INVS: variants seen among roughly 807,000 people sequenced by gnomAD.
INVS encodes inversin.
In INVS, 86 loss-of-function variants were observed where a neutral mutation model predicts 108.8. That is an observed-to-expected ratio of 0.79 (90% CI 0.66 to 0.95). The LOEUF is 0.95. Ranked by LOEUF, INVS falls within the 40% of genes least tolerant of loss-of-function variation. The pLI, the probability that INVS is intolerant of heterozygous loss-of-function variation, is 0.00. For synonymous variants in INVS, 455 were observed against 473.5 expected, an observed-to-expected ratio of 0.96 and a Z score of 0.51; for missense variants, 1,169 against 1,297.4, an observed-to-expected ratio of 0.90 and a Z score of 1.52.
chr9:100,151,737 C>T (rs1234626425), intron 3 of INVS, among the ~76,000 whole-genome samples: 1 of 152,110 alleles, frequency 6.6e-6, no homozygotes, highest in Non-Finnish European at 1.5e-5. Context: ...ATTCCTTCAC[C>T]CATTCCTCAT....
intron 3 of INVS, among the ~76,000 whole-genome samples, chr9:100,180,548 G>A (rs1829858735): frequency 6.6e-6 from 1 of 152,076 alleles, no homozygotes; most frequent in South Asian, 2.1e-4. Flanking sequence ...GTAAATTCCT[G>A]GACACATACA....
Position 100,135,397 on chromosome 9 carries a change from G to A in INVS, c.273+8848G>A, listed in dbSNP as rs1217012287. Among the ~76,000 whole-genome samples, 6 of 152,168 alleles carry A rather than the reference G, an allele frequency of 3.9e-5. No individual in the cohort carries two copies. In the East Asian group the frequency reaches 9.6e-4, roughly 24 times the overall value. ...TTGGAGAACTTGTTAAAACATAGACGTCTGGGCCCCACCACCAGTGTTTTT... is the reference window on the plus strand; with the variant it reads ...TTGGAGAACTTGTTAAAACATAGACATCTGGGCCCCACCACCAGTGTTTTT... On this transcript the variant is annotated intron_variant, in intron 3 of 16. Coordinates refer to ENST00000262457, the MANE Select transcript of INVS (RefSeq NM_014425.5).
At chr9:100,229,885 A>G in intron 5 of INVS, 58 bp downstream of exon 5, 1 of 1,497,700 alleles carries the variant, frequency 6.7e-7, no homozygotes, top group Non-Finnish European at 9.2e-7. Flanking sequence ...ATTATGAATT[A>G]TTTAATATAT....
intron 10 of INVS, among the ~76,000 whole-genome samples, chr9:100,260,655 CTATTAT>C (rs1420952864): frequency 6.6e-6 from 1 of 151,912 alleles, no homozygotes; most frequent in African/African-American, 2.4e-5. Flanking sequence ...AAAGTAGTTA[CTATTAT>C]TATTCTCATT....
At chr9:100,145,413 A>T (rs1828570091) in intron 3 of INVS, among the ~76,000 whole-genome samples, 1 of 151,492 alleles carries the variant, frequency 6.6e-6, no homozygotes, top group Non-Finnish European at 1.5e-5. Flanking sequence ...AGGGCATGGA[A>T]ATAAGGGATT....
chr9:100,183,794 GAAA>G (rs67231511), intron 3 of INVS, among the ~76,000 whole-genome samples: 1 of 68,714 alleles, frequency 1.5e-5, no homozygotes, highest in Non-Finnish European at 2.9e-5. Context: ...CTGTTTCAGG[GAAA>G]AAAAAAAAAA....
intron 11 of INVS, among the ~76,000 whole-genome samples, chr9:100,265,576 G>A (rs1832765012): frequency 6.6e-6 from 1 of 152,194 alleles, no homozygotes; most frequent in South Asian, 2.1e-4. Context: ...ATTTAGGCCA[G>A]CGGAATGTGT....
chr9:100,184,227 A>G (rs1829987598), intron 3 of INVS, among the ~76,000 whole-genome samples: 1 of 152,190 alleles, frequency 6.6e-6, no homozygotes, highest in Non-Finnish European at 1.5e-5. Context: ...GGTAGAAACC[A>G]GACAGTAATG....
intron 13 of INVS, among the ~76,000 whole-genome samples, chr9:100,286,690 A>G (rs1226278673): frequency 1.3e-5 from 2 of 152,220 alleles, no homozygotes; most frequent in Admixed American, 6.5e-5. Context: ...TTAAGCTCCC[A>G]TAATGTGACA....
chr9:100,293,036 T>A lies in INVS; in HGVS notation c.2779T>A (p.Trp927Arg). The change falls in exon 14 of 17, where the codon TGG becomes AGG. Residue 927 changes from tryptophan to arginine, a missense_variant. Trp to Arg is a moderately radical substitution (Grantham distance 101, BLOSUM62 -3). Coordinates refer to ENST00000262457, the MANE Select transcript of INVS (RefSeq NM_014425.5). ...NKAAAVIQRA[W>R]RSYQLRKHLS... ...GGCAGCAGCAGTCATCCAGCGCGCC[T>A]GGCGAAGGTAGGAAAATGGGGTGCT... The A allele has an allele frequency of 1.2e-6, 2 of 1,613,574 alleles. No homozygotes were observed. The highest frequency in any genetic ancestry group is 1.7e-6 in the Non-Finnish European group (2 of 1,179,956).
At chr9:100,225,136 C>A (rs1831274055) in intron 3 of INVS, among the ~76,000 whole-genome samples, 1 of 151,244 alleles carries the variant, frequency 6.6e-6, no homozygotes, top group African/African-American at 2.4e-5. Flanking sequence ...CGGCTCACTG[C>A]AAGCTCCGCC....
chr9:100,240,516 A>T (rs1235534451), intron 6 of INVS, among the ~76,000 whole-genome samples: 1 of 152,164 alleles, frequency 6.6e-6, no homozygotes, highest in East Asian at 1.9e-4. Flanking sequence ...ACCTCTTTTC[A>T]CATTCAGCGC....
intron 12 of INVS, among the ~76,000 whole-genome samples, chr9:100,275,041 T>C (rs182437143): frequency 1.9e-4 from 29 of 152,286 alleles, no homozygotes; most frequent in African/African-American, 6.5e-4. Flanking sequence ...AAACATACCA[T>C]TTTCTGTGAC....
intron 13 of INVS, among the ~76,000 whole-genome samples, chr9:100,285,471 T>C (rs115567075): frequency 2.3e-3 from 357 of 152,300 alleles, no homozygotes; most frequent in African/African-American, 8.1e-3. Context: ...ATGATCCCCA[T>C]CCCCAAGACT....
At chr9:100,225,889 G>GA (rs1312133560) in intron 3 of INVS, among the ~76,000 whole-genome samples, 173 bp from the exon 4 acceptor site, 4 of 147,664 alleles carry the variant, frequency 2.7e-5, no homozygotes, top group Non-Finnish European at 4.4e-5. Flanking sequence ...AAGGAAACAT[G>GA]AAAAAATAAA....
chr9:100,173,260 G>T (rs1032208388), intron 3 of INVS, among the ~76,000 whole-genome samples: 2 of 152,214 alleles, frequency 1.3e-5, no homozygotes, highest in African/African-American at 4.8e-5. Context: ...GGCAGAAATT[G>T]CATTGTAATC....
chr9:100,270,825 G>A (rs1395862909), intron 11 of INVS, among the ~76,000 whole-genome samples: 1 of 150,932 alleles, frequency 6.6e-6, no homozygotes, highest in African/African-American at 2.4e-5. Flanking sequence ...GGGGGGCTGA[G>A]GCAGGAGGAC....
intron 3 of INVS, among the ~76,000 whole-genome samples, chr9:100,193,766 C>T (rs1291083502): frequency 2.0e-5 from 3 of 152,202 alleles, no homozygotes; most frequent in South Asian, 2.1e-4. Flanking sequence ...ATTGCATATA[C>T]CAATGATTTA....
chr9:100,262,896 A>G (rs1832674787), intron 10 of INVS, among the ~76,000 whole-genome samples: 2 of 151,932 alleles, frequency 1.3e-5, no homozygotes, highest in African/African-American at 4.8e-5. Flanking sequence ...ACAGGTGCAC[A>G]CCACCACACC....
Sources: gnomAD v4.1 joint callset for allele counts (sites outside exome capture counted in the v4.1 genomes callset) on GRCh38, gnomAD v4.1.1 for gene constraint, MANE v1.5 for transcripts, NCBI Gene and HGNC (gene_info 2026-07-23, HGNC 2026-07-21) for gene names.